Variants in GANAB observed in about 807,000 individuals in gnomAD.
GANAB encodes the protein glucosidase II alpha subunit, also known as neutral alpha-glucosidase AB.
A neutral mutation model predicts 129.9 loss-of-function variants in GANAB; 35 were observed. The ratio of observed to expected loss-of-function variants is 0.27; its 90% CI spans 0.21 to 0.36. GANAB has a LOEUF of 0.36. GANAB is among the 10% of genes least tolerant of loss of function. The pLI, the probability that GANAB is intolerant of heterozygous loss-of-function variation, is 1.00. For missense variants in GANAB, 939 were observed against 1,221.0 expected, an observed-to-expected ratio of 0.77 and a Z score of 3.44; for synonymous variants, 482 against 451.8, an observed-to-expected ratio of 1.07 and a Z score of -0.85.
At chr11:62,627,181 A>C in intron 18 of GANAB, 57 bp from the exon 19 acceptor site, 2 of 1,492,414 alleles carry the variant, frequency 1.3e-6, no homozygotes, top group Non-Finnish European at 1.9e-6. Flanking sequence ...AACAGGGAAC[A>C]CCAAAGTGCC....
intron 1 of GANAB, among the ~76,000 whole-genome samples, chr11:62,642,479 G>A (rs1281630057): frequency 6.6e-6 from 1 of 151,226 alleles, no homozygotes; most frequent in Non-Finnish European, 1.5e-5. Flanking sequence ...CTGTCACCCA[G>A]GTTGGAGTGC....
Position 62,631,067 on chromosome 11 carries a change from G to A in GANAB, c.1113C>T (p.Ser371=), listed in dbSNP as rs1943654488. 2 of 1,610,530 alleles carry A rather than the reference G, an allele frequency of 1.2e-6. No homozygotes were observed. ...IIDVFLLLGP[S]ISDVFRQYAS... ...CATATTGCCGGAAAACATCAGAGATGGAGGGCCCCAGCAGCAGGAAGACGT... is the reference window on the plus strand; with the variant it reads ...CATATTGCCGGAAAACATCAGAGATAGAGGGCCCCAGCAGCAGGAAGACGT... Residue 371 remains serine, a synonymous_variant, in exon 10 of 24, where the codon TCC becomes TCT. Transcript: ENST00000356638.
chr11:62,636,350 C>T (rs1943937153), intron 4 of GANAB, among the ~76,000 whole-genome samples: 1 of 151,966 alleles, frequency 6.6e-6, no homozygotes, highest in Admixed American at 6.6e-5. Context: ...ATTGTAATCC[C>T]AGCACTTTGG....
chr11:62,640,106 G>A (rs1352051518), intron 1 of GANAB: 52 of 175,016 alleles, frequency 3.0e-4, no homozygotes, highest in Admixed American at 2.8e-3. Flanking sequence ...GCGTGGTGGC[G>A]GCCACCTGAA....
intron 5 of GANAB, chr11:62,634,196 G>T: frequency 1.4e-6 from 1 of 731,682 alleles, no homozygotes; most frequent in South Asian, 1.6e-5. Context: ...CACAGCAGGG[G>T]AAAGTGGGGT....
chr11:62,627,716 G>A (rs768226944), intron 17 of GANAB, among the ~76,000 whole-genome samples: 5 of 151,880 alleles, frequency 3.3e-5, no homozygotes, highest in South Asian at 2.1e-4. Flanking sequence ...CCTGGGGGAC[G>A]AGAGTGAGAC....
chr11:62,631,876 C>A (rs1943701317), intron 9 of GANAB, among the ~76,000 whole-genome samples: 9 of 152,046 alleles, frequency 5.9e-5, no homozygotes, highest in Admixed American at 5.9e-4. Context: ...CTCAGCCTCC[C>A]CAAGTGCTGG....
chr11:62,633,425 AC>A lies in GANAB; in HGVS notation c.630+19del. On this transcript the variant is annotated intron_variant, in intron 6 of 23. Transcript: ENST00000356638. ...TCCCAGCCAGCCCTATCCTCCAACC[AC>A]CCACCCGCTCCAACTTGCCTTGTCG... is the stretch of plus-strand genomic sequence containing the variant. 1 of 1,611,562 alleles carries A rather than the reference AC, an allele frequency of 6.2e-7. No individual in the cohort carries two copies. Among genetic ancestry groups the A allele is most frequent in the South Asian group, 1.1e-5 (1 of 90,956 alleles).
In GANAB at chr11:62,629,654, G is replaced by A; in HGVS notation, c.1768C>T (p.Arg590Cys). 6.2e-7 allele frequency: 1 copy of A among 1,613,524 alleles called. No individual in the cohort carries two copies. The highest frequency in any genetic ancestry group is 8.5e-7 in the Non-Finnish European group (1 of 1,179,672). Residue 590 changes from arginine to cysteine, a missense_variant, in exon 15 of 24, where the codon CGC becomes TGC. Physicochemically the swap from Arg to Cys is radical, Grantham distance 180 (BLOSUM62 -3). Around this residue, in one of 5 missense-constraint regions of GANAB, gnomAD observed 147 missense variants for 282.4 expected, o/e 0.52. Coordinates refer to ENST00000356638, the MANE Select transcript of GANAB (RefSeq NM_198334.3). ...HMATADGLRQ[R>C]SGGMERPFVL... ...AAGGGGCGTTCCATGCCCCCAGAGC[G>A]CTGTCTCAGCCCATCAGCAGTCGCC...
intron 5 of GANAB, chr11:62,634,191 C>A: frequency 1.4e-6 from 1 of 712,824 alleles, no homozygotes; most frequent in South Asian, 1.6e-5. Context: ...CATCACACAG[C>A]AGGGGAAAGT....
At position 62,629,812 on chromosome 11, in the gene GANAB, A is replaced by C. The variant is rs1943577516; in HGVS notation, c.1737+2T>G. ...ACCAACTCTCCTCTCTCAGGCCCTT[A>C]CCACATAAAGGCCATAGATGTTATG... is the stretch of plus-strand genomic sequence containing the variant. On this transcript the variant is annotated splice_donor_variant, in intron 14 of 23. Coordinates refer to ENST00000356638, the MANE Select transcript of GANAB (RefSeq NM_198334.3). LOFTEE classifies it high-confidence loss of function. 6.2e-7 allele frequency: 1 copy of C among 1,613,946 alleles called. No individual in the cohort carries two copies. Among genetic ancestry groups the C allele is most frequent in the African/African-American group, 1.3e-5 (1 of 74,908 alleles).
At chr11:62,639,937 C>T in intron 1 of GANAB, 1 of 552,858 alleles carries the variant, frequency 1.8e-6, no homozygotes, top group Non-Finnish European at 3.2e-6. Flanking sequence ...CACACCTTCC[C>T]TTTGAAAGGC....
rs757177225 is a variant in GANAB at position 62,629,304 on chromosome 11, G to A, written c.1835-9C>T. ...CCCTGTCCACACGGCTCCTGAGGAA[G>A]ACAAGAAGTGGGGAGCTTGCACATG... On this transcript the variant is annotated splice_polypyrimidine_tract_variant and intron_variant, in intron 15 of 23. Transcript: ENST00000356638. 4.4e-6 allele frequency: 7 copies of A among 1,578,948 alleles called. No homozygotes were observed. In the East Asian group the frequency reaches 6.7e-5, roughly 15 times the overall value.
Position 62,632,761 on chromosome 11 carries a change from C to T in GANAB, c.816-16G>A, listed in dbSNP as rs1943748712. 1.2e-6 allele frequency: 2 copies of T among 1,605,780 alleles called. No homozygotes were observed. Among genetic ancestry groups the T allele is most frequent in the Non-Finnish European group, 1.7e-6 (2 of 1,173,656 alleles). On this transcript the variant is annotated splice_polypyrimidine_tract_variant and intron_variant, in intron 8 of 23. Transcript: ENST00000356638. ...CTCCCCACCCCTGCAGGCAAACAGA[C>T]AGACTTGGGCTGCTAACTGGCCCCA...
At position 62,627,302 on chromosome 11, in the gene GANAB, A is replaced by G. The variant is rs1943439202; in HGVS notation, c.2232T>C (p.Asp744=). 1 of 1,577,316 alleles carries G rather than the reference A, an allele frequency of 6.3e-7. No individual in the cohort carries two copies. The highest frequency in any genetic ancestry group is 8.7e-7 in the Non-Finnish European group (1 of 1,146,412). Residue 744 remains aspartate, a synonymous_variant, in exon 18 of 24, where the codon GAT becomes GAC. Transcript: ENST00000356638. ...CTCATTTCTCACCAAGCAAGTACTG[A>G]TCATCTATATTGAAGGTAGTCACAT... ...PQDVTTFNID[D]QYLLGDALLV...
chr11:62,642,796 C>A (rs1446873902), intron 1 of GANAB, among the ~76,000 whole-genome samples: 2 of 152,136 alleles, frequency 1.3e-5, no homozygotes, highest in African/African-American at 2.4e-5. Context: ...ACAACCACTT[C>A]TTTACATGCA....
chr11:62,639,591 C>T, intron 2 of GANAB, 36 bp downstream of exon 2: 1 of 1,516,806 alleles, frequency 6.6e-7, no homozygotes, highest in Non-Finnish European at 9.2e-7. Context: ...ACCCTACAAC[C>T]CTACATTCCA....
Position 62,625,313 on chromosome 11 carries a change from T to C in GANAB, c.*502A>G. 1 of 455,556 alleles carries C rather than the reference T, an allele frequency of 2.2e-6. No individual in the cohort carries two copies. The highest frequency in any genetic ancestry group is 1.6e-5 in the South Asian group (1 of 64,444). 28.2% of individuals were successfully genotyped at this position (455,556 alleles called of 1,614,324 possible). ...TGTCCGGGGTAAGGGGTGGTCCCAG[T>C]GTATCGGTGGGGCATAAAAAGGGGA... On this transcript the variant is annotated 3_prime_UTR_variant, in exon 24 of 24. Coordinates refer to ENST00000356638, the MANE Select transcript of GANAB (RefSeq NM_198334.3).
At chr11:62,633,691 G>A in intron 5 of GANAB, 177 bp from the exon 6 acceptor site, 1 of 616,028 alleles carries the variant, frequency 1.6e-6, no homozygotes, top group African/African-American at 1.8e-5. Flanking sequence ...GTTTGCAAAG[G>A]ATGGGGAGAG....
Sources: gnomAD v4.1 joint callset for allele counts (sites outside exome capture counted in the v4.1 genomes callset) on GRCh38, gnomAD v4.1.1 for gene constraint, gnomAD v4.1.1 regional missense constraint, MANE v1.5 for transcripts, NCBI Gene and HGNC (gene_info 2026-07-23, HGNC 2026-07-21) for gene names.